ZNF76: variants seen among roughly 807,000 people sequenced by gnomAD.
ZNF76 encodes the protein zinc finger protein 523.
A neutral mutation model predicts 66.9 loss-of-function variants in ZNF76; 66 were observed. The ratio of observed to expected loss-of-function variants is 0.99; its 90% CI spans 0.81 to 1.21. ZNF76 has a LOEUF of 1.21. ZNF76 is among the 50% of genes most tolerant of loss of function. ZNF76 has a pLI of 0.00. For missense variants in ZNF76, 729 were observed against 760.3 expected, an observed-to-expected ratio of 0.96 and a Z score of 0.48; for synonymous variants, 275 against 296.1, an observed-to-expected ratio of 0.93 and a Z score of 0.73.
chr6:35,287,890 G>A lies in ZNF76; in HGVS notation c.432+45G>A. ...CACGGTCTGTCACTCTAGACAACCG[G>A]GCCTGGCCTGCGCACTGCCTCTTGG... On this transcript the variant is annotated intron_variant, in intron 5 of 13. Coordinates refer to ENST00000373953, the MANE Select transcript of ZNF76 (RefSeq NM_003427.5). The surrounding 1 kb of genome is among the most constrained non-coding windows in gnomAD (Gnocchi z 4.0). 6.5e-7 allele frequency: 1 copy of A among 1,546,724 alleles called. No homozygotes were observed. The highest frequency in any genetic ancestry group is 8.7e-7 in the Non-Finnish European group (1 of 1,144,348).
intron 2 of ZNF76, among the ~76,000 whole-genome samples, chr6:35,283,259 A>G (rs1789049848): frequency 6.6e-6 from 1 of 152,162 alleles, no homozygotes; most frequent in South Asian, 2.1e-4. Context: ...ACACACACAC[A>G]TATGCAAACA....
rs1345677387 is a variant in ZNF76, at chr6:35,274,703, A to C, written c.-96-6353A>C. Among the ~76,000 whole-genome samples the C allele has an allele frequency of 3.3e-5, 5 of 152,206 alleles. No individual in the cohort carries two copies. The East Asian group carries it at 9.6e-4, about 29-fold the overall frequency. ...CACTGCATGCCAACCTGGGCAACAA[A>C]ATGAGATCCTGTCTCTAAATAAATA... is the stretch of plus-strand genomic sequence containing the variant. On this transcript the variant is annotated intron_variant, in intron 1 of 13. Coordinates refer to ENST00000373953, the MANE Select transcript of ZNF76 (RefSeq NM_003427.5).
chr6:35,290,250 A>G lies in ZNF76; in HGVS notation c.433-16A>G. On this transcript the variant is annotated splice_polypyrimidine_tract_variant and intron_variant, in intron 5 of 13. Transcript: ENST00000373953. Reference sequence around the variant, plus strand: ...TGGGGAGAATACATATAGGGATCTCAAGACTTTTCCCCCAGGTTCTTCATG... The same window carrying G: ...TGGGGAGAATACATATAGGGATCTCGAGACTTTTCCCCCAGGTTCTTCATG... The G allele has an allele frequency of 6.2e-7, 1 of 1,614,038 alleles. No individual in the cohort carries two copies. The highest frequency in any genetic ancestry group is 1.7e-5 in the Admixed American group (1 of 60,010).
chr6:35,281,220 C>G lies in ZNF76; in HGVS notation c.69C>G (p.Val23=). The part of the protein sequence containing the change: ...DGTTAYVQQA[V]KGEKLLEGQV... ...CAACAGCCTACGTCCAGCAAGCTGT[C>G]AAAGGTAAGTATTTCTGGGGACCTC... The change falls in exon 2 of 14, where the codon GTC becomes GTG. Residue 23 remains valine (V), a synonymous_variant. Transcript: ENST00000373953. 6.2e-7 allele frequency: 1 copy of G among 1,613,560 alleles called. No individual in the cohort carries two copies. The highest frequency in any genetic ancestry group is 8.5e-7 in the Non-Finnish European group (1 of 1,179,948).
chr6:35,260,294 C>T (rs1785034581), intron 1 of ZNF76, among the ~76,000 whole-genome samples: 1 of 152,032 alleles, frequency 6.6e-6, no homozygotes, highest in Non-Finnish European at 1.5e-5. Context: ...CCTCCTGGCC[C>T]AGTAACCCCC....
chr6:35,281,371 T>C, intron 2 of ZNF76, 147 bp downstream of exon 2: 1 of 687,212 alleles, frequency 1.5e-6, no homozygotes, highest in Non-Finnish European at 2.5e-6. Flanking sequence ...TAGAATCTCC[T>C]GTGGTGCTTG....
chr6:35,295,538 A>G lies in ZNF76; in HGVS notation c.*290A>G. On this transcript the variant is annotated 3_prime_UTR_variant, in exon 14 of 14. Transcript: ENST00000373953. ...AGCTGGGCGCCCACTCTCCTCCTAA[A>G]GAACACCCTTCTGGCCCTCAGTCTG... 2.4e-6 allele frequency: 1 copy of G among 424,384 alleles called. No individual in the cohort carries two copies. Among genetic ancestry groups the G allele is most frequent in the Non-Finnish European group, 4.5e-6 (1 of 224,022 alleles). The allele number at this position is 424,384 out of a possible 1,614,324, so 26.3% of individuals were successfully genotyped here. A position where few individuals can be genotyped will look rare whatever the true frequency, so the allele number is the denominator to read the frequency against.
Position 35,292,745 on chromosome 6 carries a change from G to T in ZNF76, c.1123G>T (p.Glu375Ter), listed in dbSNP as rs1790594970. The T allele has an allele frequency of 6.2e-7, 1 of 1,614,086 alleles. No homozygotes were observed. The highest frequency in any genetic ancestry group is 8.5e-7 in the Non-Finnish European group (1 of 1,179,996). The change falls in exon 10 of 14, where the codon GAG becomes TAG. Residue 375 changes from glutamate (E) to a stop codon, truncating the protein, a stop_gained. Coordinates refer to ENST00000373953, the MANE Select transcript of ZNF76 (RefSeq NM_003427.5). LOFTEE classifies it high-confidence loss of function. This position sits in a 1 kb window ranked among gnomAD's most constrained non-coding sequence, Gnocchi z 4.7. ...RSAHGELEAT[E>*]ESEQALYEQQ... ...TGCCCACGGCGAGCTGGAGGCCACG[G>T]AGGAGAGCGAGCAGGCCCTCTATGA...
At chr6:35,282,077 T>TTCAAATGTATCTTGTAG (rs1788853055) in intron 2 of ZNF76, among the ~76,000 whole-genome samples, 1 of 152,016 alleles carries the variant, frequency 6.6e-6, no homozygotes, top group African/African-American at 2.4e-5. Context: ...GACGTAACAA[T>TTCAAATGTATCTTGTAG]GAATACTCTT....
intron 1 of ZNF76, among the ~76,000 whole-genome samples, chr6:35,273,110 C>T (rs563997889): frequency 2.7e-4 from 40 of 150,694 alleles, no homozygotes; most frequent in Non-Finnish European, 5.9e-4. Context: ...GAGCTGAGCT[C>T]GCACCACTGC....
intron 1 of ZNF76, among the ~76,000 whole-genome samples, chr6:35,277,762 A>G (rs1348252834): frequency 1.3e-5 from 2 of 152,232 alleles, no homozygotes; most frequent in Admixed American, 6.5e-5. Context: ...GTAAATGTTT[A>G]TGGACAGAAT....
Position 35,292,659 on chromosome 6 carries a change from C to G in ZNF76, c.1037C>G (p.Thr346Ser). ...GTGCACACACACTGCAAGCCCTACACCTGCAGCACCTGCGGCAAGACCTAC... is the reference window on the plus strand; with the variant it reads ...GTGCACACACACTGCAAGCCCTACAGCTGCAGCACCTGCGGCAAGACCTAC... ...HVVHTHCKPY[T>S]CSTCGKTYRQ... Residue 346 changes from threonine (T) to serine (S), a missense_variant, in exon 10 of 14, where the codon ACC becomes AGC. By Grantham distance (58) the Thr-to-Ser change is moderately conservative (BLOSUM62 1). Coordinates refer to ENST00000373953, the MANE Select transcript of ZNF76 (RefSeq NM_003427.5). The surrounding 1 kb of genome is among the most constrained non-coding windows in gnomAD (Gnocchi z 4.7). The G allele has an allele frequency of 6.2e-7, 1 of 1,614,166 alleles. No homozygotes were observed. Among genetic ancestry groups the G allele is most frequent in the Non-Finnish European group, 8.5e-7 (1 of 1,180,034 alleles).
At position 35,292,959 on chromosome 6, in the gene ZNF76, A is replaced by G. The variant is rs1452736622; in HGVS notation, c.1244A>G (p.Asp415Gly). The G allele has an allele frequency of 6.2e-7, 1 of 1,614,190 alleles. No homozygotes were observed. The highest frequency in any genetic ancestry group is 1.7e-5 in the Admixed American group (1 of 60,022). Residue 415 changes from aspartate to glycine, a missense_variant, in exon 11 of 14, where the codon GAT becomes GGT. Asp to Gly is a moderately conservative substitution (Grantham distance 94). Coordinates refer to ENST00000373953, the MANE Select transcript of ZNF76 (RefSeq NM_003427.5). This position sits in a 1 kb window ranked among gnomAD's most constrained non-coding sequence, Gnocchi z 4.7. Reference protein sequence around the residue: ...AYLSEVKEERDDIPAQVAMVT... With the variant: ...AYLSEVKEERGDIPAQVAMVT... ...CTTTCGGAGGTGAAGGAAGAGAGAG[A>G]TGACATCCCAGCCCAGGTGGCGATG...
At position 35,290,528 on chromosome 6, in the gene ZNF76, G is replaced by A. The variant is rs1418118563; in HGVS notation, c.550-113G>A. On this transcript the variant is annotated intron_variant, in intron 6 of 13. Coordinates refer to ENST00000373953, the MANE Select transcript of ZNF76 (RefSeq NM_003427.5). ...GTACACAGGAATGCCAGCACAGAGC[G>A]CTTGACACACATGAATGGTACAGGA... is the stretch of plus-strand genomic sequence containing the variant. 1.1e-5 allele frequency: 16 copies of A among 1,515,798 alleles called. No individual in the cohort carries two copies. The Admixed American group carries it at 1.2e-4, about 12-fold the overall frequency. The allele number at this position is 1,515,798 out of a possible 1,614,324, so 93.9% of individuals were successfully genotyped here. A position where few individuals can be genotyped will look rare whatever the true frequency, so the allele number is the denominator to read the frequency against.
Position 35,286,349 on chromosome 6 carries a change from C to T in ZNF76, c.182C>T (p.Pro61Leu). The T allele has an allele frequency of 6.2e-7, 1 of 1,614,222 alleles. No individual in the cohort carries two copies. The highest frequency in any genetic ancestry group is 8.5e-7 in the Non-Finnish European group (1 of 1,180,044). Residue 61 changes from proline to leucine, a missense_variant, in exon 4 of 14, where the codon CCT (proline) becomes CTT (leucine). Coordinates refer to ENST00000373953, the MANE Select transcript of ZNF76 (RefSeq NM_003427.5). ...GCTCTCTCCTTTGAGGATGGTCAGC[C>T]TGTGCAGCTGGAAGATGGCAGCATG... is the stretch of plus-strand genomic sequence containing the variant. ...KEALSFEDGQPVQLEDGSMAY... is the reference protein window; with the variant it reads ...KEALSFEDGQLVQLEDGSMAY...
At chr6:35,286,679 C>T in intron 4 of ZNF76, 1 of 533,598 alleles carries the variant, frequency 1.9e-6, no homozygotes. Flanking sequence ...AGTCTTAGGG[C>T]TTTAAATAGG....
chr6:35,280,516 T>TCCCCC lies in ZNF76; in HGVS notation c.-96-531_-96-527dup, dbSNP rs5875514. On this transcript the variant is annotated intron_variant, in intron 1 of 13. Coordinates refer to ENST00000373953, the MANE Select transcript of ZNF76 (RefSeq NM_003427.5). ...AGGGAAAAGGAGGACTCAAGCATGA[T>TCCCCC]CCCCCCCCCCCCCGCCCTGAAGTTC... Among the ~76,000 whole-genome samples the TCCCCC allele has an allele frequency of 3.4e-3, 335 of 97,674 alleles. 9 individuals carry two copies. The highest frequency in any genetic ancestry group is 5.5e-3 in the African/African-American group (149 of 27,204). The allele number at this position is 97,674 out of a possible 152,430, so 64.1% of individuals were successfully genotyped here.
At chr6:35,277,193 A>G (rs1340274979) in intron 1 of ZNF76, among the ~76,000 whole-genome samples, 1 of 152,176 alleles carries the variant, frequency 6.6e-6, no homozygotes, top group Non-Finnish European at 1.5e-5. Flanking sequence ...TGATGAAGAG[A>G]GTGAAGCTTG....
At chr6:35,286,693 C>T (rs1258169829) in intron 4 of ZNF76, 6 of 496,820 alleles carry the variant, frequency 1.2e-5, no homozygotes, top group Middle Eastern at 5.4e-4. Flanking sequence ...AAATAGGACC[C>T]GAGGATATCA....
Sources: allele counts gnomAD v4.1 joint callset (sites outside exome capture counted in the v4.1 genomes callset), GRCh38; gene constraint gnomAD v4.1.1; non-coding constraint Gnocchi (gnomAD v3.1); transcripts MANE v1.5; gene names NCBI Gene and HGNC (gene_info 2026-07-23, HGNC 2026-07-21).